SPSB4: variants seen among roughly 807,000 people sequenced by gnomAD.
SPSB4 encodes the protein splA/ryanodine receptor domain and SOCS box containing 4, also known as SPRY domain-containing SOCS box protein 4.
Under a neutral mutation model 20.9 loss-of-function variants are expected in SPSB4, and 21 were observed. The observed-to-expected ratio is 1.01, with a 90% CI of 0.71 to 1.45. The LOEUF is 1.45. SPSB4 is among the 40% of genes most tolerant of loss of function. SPSB4 has a pLI of 0.00. For synonymous variants in SPSB4, 207 were observed against 183.8 expected (o/e 1.13, Z -1.02); for missense variants, 399 against 399.2 (o/e 1.00, Z 0.00).
intron 1 of SPSB4, among the ~76,000 whole-genome samples, chr3:141,055,053 G>A (rs187543828): frequency 1.3e-5 from 2 of 152,350 alleles, no homozygotes; most frequent in Admixed American, 6.5e-5. Flanking sequence ...TGCAGCCAGA[G>A]GTAACAGGTA....
chr3:141,107,966 TA>T (rs200572966), intron 2 of SPSB4, among the ~76,000 whole-genome samples: 3,077 of 122,022 alleles, frequency 0.025, 114 homozygotes, highest in African/African-American at 0.093. Flanking sequence ...AAAAAAAAAA[TA>T]AAATAAAAGA....
At chr3:141,139,391 G>C (rs1302634442) in intron 2 of SPSB4, among the ~76,000 whole-genome samples, 1 of 152,102 alleles carries the variant, frequency 6.6e-6, no homozygotes, top group Admixed American at 6.6e-5. Flanking sequence ...ATGTTAGCTG[G>C]CTATTTTGCT....
intron 1 of SPSB4, among the ~76,000 whole-genome samples, chr3:141,056,827 C>T (rs936581725): frequency 4.6e-5 from 7 of 152,172 alleles, no homozygotes; most frequent in South Asian, 2.1e-4. Flanking sequence ...CTGTGGTGAC[C>T]GGGCTGGCCC....
chr3:141,106,636 G>A (rs1938693450), intron 2 of SPSB4, among the ~76,000 whole-genome samples: 1 of 152,192 alleles, frequency 6.6e-6, no homozygotes, highest in African/African-American at 2.4e-5. Context: ...TTAATAAAAG[G>A]AATATATGTG....
In SPSB4 at chr3:141,116,307, G is replaced by C. The variant is rs370625058; in HGVS notation, c.695-30835G>C. 1.3e-4 allele frequency among the ~76,000 whole-genome samples: 20 copies of C among 152,334 alleles called. 1 individual carries two copies. Among genetic ancestry groups the C allele is most frequent in the African/African-American group, 4.8e-4 (20 of 41,568 alleles). On this transcript the variant is annotated intron_variant, in intron 2 of 2. Transcript: ENST00000310546. ...TCCAAATTCTTCAGGCCAAATCCCA[G>C]TTGGAATTAGGTGGATTGAACCCGT...
At chr3:141,121,778 C>A (rs1232895098) in intron 2 of SPSB4, among the ~76,000 whole-genome samples, 2 of 152,124 alleles carry the variant, frequency 1.3e-5, no homozygotes, top group African/African-American at 4.8e-5. Flanking sequence ...CATTTAAGGT[C>A]ATCTCTACAC....
intron 2 of SPSB4, among the ~76,000 whole-genome samples, chr3:141,113,727 G>A (rs1173144324): frequency 2.0e-5 from 3 of 152,216 alleles, no homozygotes; most frequent in African/African-American, 7.2e-5. Flanking sequence ...GATAAAAATG[G>A]TTTGGAACTT....
intron 2 of SPSB4, among the ~76,000 whole-genome samples, chr3:141,102,657 A>G (rs894331994): frequency 1.3e-5 from 2 of 152,314 alleles, no homozygotes; most frequent in East Asian, 1.9e-4. Context: ...CAGGAAAAAA[A>G]GCTGGAGAGG....
intron 2 of SPSB4, among the ~76,000 whole-genome samples, chr3:141,133,910 T>C (rs1211241039): frequency 2.0e-5 from 3 of 152,106 alleles, no homozygotes; most frequent in Non-Finnish European, 4.4e-5. Flanking sequence ...ATTCTACCCA[T>C]CCATGAGCTT....
Position 141,120,015 on chromosome 3 carries a change from G to A in SPSB4, c.695-27127G>A, listed in dbSNP as rs376586636. 3.3e-4 allele frequency among the ~76,000 whole-genome samples: 50 copies of A among 152,080 alleles called. 1 individual carries two copies. The highest frequency in any genetic ancestry group is 5.7e-4 in the Non-Finnish European group (39 of 67,942). ...CTTTTCATTGTGATGTTAGGGTGTC[G>A]ATTTTAGGTCTTTCCTGCTTCCTCT... On this transcript the variant is annotated intron_variant, in intron 2 of 2. Coordinates refer to ENST00000310546, the MANE Select transcript of SPSB4 (RefSeq NM_080862.3).
At chr3:141,121,439 C>T (rs1938965066) in intron 2 of SPSB4, among the ~76,000 whole-genome samples, 1 of 152,086 alleles carries the variant, frequency 6.6e-6, no homozygotes, top group South Asian at 2.1e-4. Context: ...TCTGTATTTC[C>T]TGAATTTGAA....
chr3:141,075,892 C>CAAAAAAAAAA (rs532646509), intron 2 of SPSB4, among the ~76,000 whole-genome samples: 87 of 68,652 alleles, frequency 1.3e-3, no homozygotes, highest in Non-Finnish European at 2.1e-3. Context: ...ACTAAAAATA[C>CAAAAAAAAAA]AAAAAAAAAA....
intron 2 of SPSB4, among the ~76,000 whole-genome samples, chr3:141,136,661 A>G (rs1939233366): frequency 6.6e-6 from 1 of 151,990 alleles, no homozygotes. Flanking sequence ...GGTGTGTGGT[A>G]TTATTTCTGA....
intron 1 of SPSB4, 23 bp from the exon 2 acceptor site, chr3:141,065,929 C>T: frequency 1.8e-6 from 1 of 560,350 alleles, no homozygotes; most frequent in East Asian, 3.4e-5. Flanking sequence ...CTGCTATAAC[C>T]CGTGCCCTTT....
At chr3:141,129,411 C>T (rs542135540) in intron 2 of SPSB4, among the ~76,000 whole-genome samples, 16 of 152,218 alleles carry the variant, frequency 1.1e-4, no homozygotes, top group Non-Finnish European at 2.2e-4. Flanking sequence ...TGGGGTTTCT[C>T]TGGGACTCTT....
intron 2 of SPSB4, among the ~76,000 whole-genome samples, chr3:141,078,603 G>T (rs1938162408): frequency 6.6e-6 from 1 of 152,184 alleles, no homozygotes; most frequent in Admixed American, 6.5e-5. Flanking sequence ...AGAATTCAGG[G>T]GCTTTCCTCT....
chr3:141,070,529 G>T, intron 2 of SPSB4, among the ~76,000 whole-genome samples: 1 of 151,930 alleles, frequency 6.6e-6, no homozygotes, highest in East Asian at 1.9e-4. Context: ...GGCTCAGGAG[G>T]TAATGGCTAA....
chr3:141,144,964 A>G (rs1025447366), intron 2 of SPSB4, among the ~76,000 whole-genome samples: 2 of 152,074 alleles, frequency 1.3e-5, no homozygotes, highest in African/African-American at 2.4e-5. Flanking sequence ...ACTGGGTACA[A>G]GGGTGTTGCT....
intron 2 of SPSB4, among the ~76,000 whole-genome samples, chr3:141,114,354 G>T (rs753884351): frequency 8.5e-5 from 13 of 152,168 alleles, no homozygotes; most frequent in Non-Finnish European, 1.6e-4. Context: ...CAGCTGACCT[G>T]GCACGTGACA....
Sources: allele counts gnomAD v4.1 joint callset (sites outside exome capture counted in the v4.1 genomes callset), GRCh38; gene constraint gnomAD v4.1.1; transcripts MANE v1.5; gene names NCBI Gene and HGNC (gene_info 2026-07-23, HGNC 2026-07-21).